Variants in TMPRSS15 observed in about 807,000 individuals in gnomAD.
The protein encoded by TMPRSS15 is enteropeptidase.
Under a neutral mutation model 125.3 loss-of-function variants are expected in TMPRSS15, and 128 were observed. That is an observed-to-expected ratio of 1.02 (90% CI 0.89 to 1.18). The LOEUF (loss-of-function observed/expected upper bound fraction) is 1.18, where lower values mean the gene tolerates loss of function less well. TMPRSS15 is among the 50% of genes most tolerant of loss of function. The pLI is 0.00. For synonymous variants in TMPRSS15, 446 were observed against 423.2 expected (o/e 1.05, Z -0.66); for missense variants, 1,283 against 1,212.7 (o/e 1.06, Z -0.86).
At chr21:18,430,769 C>T (rs1272177548) in intron 1 of TMPRSS15, among the ~76,000 whole-genome samples, 1 of 152,086 alleles carries the variant, frequency 6.6e-6, no homozygotes, top group Non-Finnish European at 1.5e-5. Flanking sequence ...CTGGGCCCAC[C>T]AATGTAGCTC....
intron 16 of TMPRSS15, among the ~76,000 whole-genome samples, chr21:18,320,998 G>T (rs1172058533): frequency 2.0e-5 from 3 of 152,106 alleles, no homozygotes; most frequent in Non-Finnish European, 4.4e-5. Context: ...GTTTAAAATG[G>T]AACGAAATTG....
chr21:18,455,699 CA>C (rs926895123), intron 1 of TMPRSS15, among the ~76,000 whole-genome samples: 2 of 152,120 alleles, frequency 1.3e-5, no homozygotes, highest in Non-Finnish European at 2.9e-5. Context: ...TTGAGTTCCT[CA>C]GCAAAGAAAT....
intron 18 of TMPRSS15, among the ~76,000 whole-genome samples, chr21:18,305,761 C>A (rs542721663): frequency 6.6e-6 from 1 of 152,246 alleles, no homozygotes; most frequent in African/African-American, 2.4e-5. Flanking sequence ...AGATATTAAA[C>A]CTATTAAGTA....
intron 1 of TMPRSS15, among the ~76,000 whole-genome samples, chr21:18,440,927 A>C (rs1039574889): frequency 3.3e-5 from 5 of 152,200 alleles, no homozygotes; most frequent in South Asian, 2.1e-4. Flanking sequence ...TGATCAACCT[A>C]CTAACAGCAA....
chr21:18,307,885 T>C (rs900978377), intron 18 of TMPRSS15, among the ~76,000 whole-genome samples: 7 of 152,184 alleles, frequency 4.6e-5, no homozygotes, highest in African/African-American at 1.7e-4. Flanking sequence ...CAGGAAACAA[T>C]GTAGTTAAAA....
At chr21:18,440,122 C>T (rs2123230632) in intron 1 of TMPRSS15, among the ~76,000 whole-genome samples, 1 of 152,072 alleles carries the variant, frequency 6.6e-6, no homozygotes, top group East Asian at 1.9e-4. Flanking sequence ...CGCCTGTAAT[C>T]CCAGCACTTT....
At chr21:18,365,632 T>TCTTTC (rs1569035587) in intron 6 of TMPRSS15, among the ~76,000 whole-genome samples, 3,371 of 84,424 alleles carry the variant, frequency 0.04, 415 homozygotes, top group African/African-American at 0.15. Context: ...TTCTTTCTCT[T>TCTTTC]TCTCTCTCTT....
chr21:18,364,009 G>A (rs995314170), intron 7 of TMPRSS15, among the ~76,000 whole-genome samples: 1 of 152,050 alleles, frequency 6.6e-6, no homozygotes, highest in Non-Finnish European at 1.5e-5. Context: ...ACAATGCCAA[G>A]TAAGTGTGTA....
At chr21:18,344,095 A>C (rs1415173600) in intron 10 of TMPRSS15, 35 bp from the exon 11 acceptor site, 1 of 1,537,706 alleles carries the variant, frequency 6.5e-7, no homozygotes, top group Non-Finnish European at 9.0e-7. Flanking sequence ...ATTTCACTTA[A>C]ATATTGCATT....
At chr21:18,409,943 C>T (rs1478623695) in intron 1 of TMPRSS15, among the ~76,000 whole-genome samples, 1 of 140,392 alleles carries the variant, frequency 7.1e-6, no homozygotes, top group Non-Finnish European at 1.5e-5. Context: ...TTCTTCCTTC[C>T]TTCCGTCTTT....
chr21:18,422,720 T>C (rs1372461577), intron 1 of TMPRSS15, among the ~76,000 whole-genome samples: 1 of 152,206 alleles, frequency 6.6e-6, no homozygotes, highest in Non-Finnish European at 1.5e-5. Context: ...AGAAAATAAA[T>C]TCAGATAGTC....
chr21:18,456,923 G>A (rs1001236131), intron 1 of TMPRSS15, among the ~76,000 whole-genome samples: 1 of 152,080 alleles, frequency 6.6e-6, no homozygotes, highest in African/African-American at 2.4e-5. Context: ...GAAAGAGCCT[G>A]AATGCAGCAG....
In TMPRSS15 at chr21:18,281,133, T is replaced by C; in HGVS notation, c.2575A>G (p.Ile859Val). The C allele has an allele frequency of 6.2e-7, 1 of 1,614,122 alleles. No homozygotes were observed. Among genetic ancestry groups the C allele is most frequent in the Non-Finnish European group, 8.5e-7 (1 of 1,180,008 alleles). ...TGAGGGTTTATGACAATTTCATCTA[T>C]TAATCGAGGGACTGTTTGAGGAGAG... is the stretch of plus-strand genomic sequence containing the variant. ...LTSPQTVPRLIDEIVINPHYN... is the reference protein window; with the variant it reads ...LTSPQTVPRLVDEIVINPHYN... The change falls in exon 22 of 25, where the codon ATA (isoleucine) becomes GTA (valine). Residue 859 changes from isoleucine to valine, a missense_variant. Physicochemically the swap from Ile to Val is conservative, Grantham distance 29. Transcript: ENST00000284885.
At chr21:18,344,644 CTT>C (rs2075486445) in intron 10 of TMPRSS15, among the ~76,000 whole-genome samples, 1 of 152,178 alleles carries the variant, frequency 6.6e-6, no homozygotes, top group Non-Finnish European at 1.5e-5. Context: ...CCGTATAAAA[CTT>C]TCAAAATAGC....
chr21:18,410,258 A>AGG (rs2076162697), intron 1 of TMPRSS15, among the ~76,000 whole-genome samples: 1 of 151,836 alleles, frequency 6.6e-6, no homozygotes, highest in African/African-American at 2.4e-5. Flanking sequence ...TCCTGTACAA[A>AGG]GGTTCCTTTG....
intron 16 of TMPRSS15, among the ~76,000 whole-genome samples, chr21:18,318,157 A>G (rs2075193639): frequency 6.6e-6 from 1 of 152,218 alleles, no homozygotes; most frequent in Admixed American, 6.5e-5. Context: ...CACTGGAAAG[A>G]TGATCAGATG....
intron 4 of TMPRSS15, among the ~76,000 whole-genome samples, chr21:18,382,604 G>C (rs2075902748): frequency 6.6e-6 from 1 of 152,106 alleles, no homozygotes; most frequent in Non-Finnish European, 1.5e-5. Context: ...TCATTTTGTA[G>C]CAAAAATTAG....
rs72171532 is a variant in TMPRSS15 at position 18,413,234 on chromosome 21, TTCTC to T, written c.11-14909_11-14906del. ...CTCCCTTCCTCTTCCTTCCTTCCTT[TTCTC>T]TCTCTTTCTTCCTTCCTTTCTTTCT... is the stretch of plus-strand genomic sequence containing the variant. On this transcript the variant is annotated intron_variant, in intron 1 of 7. Transcript: ENST00000422787. 2.7e-4 allele frequency among the ~76,000 whole-genome samples: 39 copies of T among 143,052 alleles called. 1 individual carries two copies. Among genetic ancestry groups the T allele is most frequent in the South Asian group, 2.6e-3 (11 of 4,174 alleles). The allele number at this position is 143,052 out of a possible 152,430, so 93.8% of individuals were successfully genotyped here.
At chr21:18,288,901 A>G (rs920745312) in intron 21 of TMPRSS15, among the ~76,000 whole-genome samples, 3 of 152,122 alleles carry the variant, frequency 2.0e-5, no homozygotes, top group Non-Finnish European at 4.4e-5. Flanking sequence ...TATTTCTTCA[A>G]TCTGAAGAAC....
Sources: gnomAD v4.1 joint callset for allele counts (sites outside exome capture counted in the v4.1 genomes callset) on GRCh38, gnomAD v4.1.1 for gene constraint, MANE v1.5 for transcripts, NCBI Gene and HGNC (gene_info 2026-07-23, HGNC 2026-07-21) for gene names.